Variants in SUV39H2 observed in about 807,000 individuals in gnomAD.
SUV39H2 encodes SUV39H2 histone lysine methyltransferase.
Under a neutral mutation model 47.5 loss-of-function variants are expected in SUV39H2, and 10 were observed. The observed-to-expected ratio is 0.21, with a 90% CI of 0.13 to 0.36. The LOEUF (loss-of-function observed/expected upper bound fraction) is 0.36, where lower values mean the gene tolerates loss of function less well. SUV39H2 is among the 10% of genes least tolerant of loss of function. The pLI, the probability that SUV39H2 is intolerant of heterozygous loss-of-function variation, is 1.00. For missense variants in SUV39H2, 266 were observed against 487.4 expected, an observed-to-expected ratio of 0.55 and a Z score of 4.28; for synonymous variants, 159 against 166.8, an observed-to-expected ratio of 0.95 and a Z score of 0.36.
At chr10:14,892,091 T>C (rs954369802) in intron 2 of SUV39H2, among the ~76,000 whole-genome samples, 1 of 152,096 alleles carries the variant, frequency 6.6e-6, no homozygotes, top group African/African-American at 2.4e-5. Context: ...TAAGTGATGG[T>C]CAGGGGAAGC....
chr10:14,889,830 A>G (rs750051900), intron 2 of SUV39H2, among the ~76,000 whole-genome samples: 1 of 152,218 alleles, frequency 6.6e-6, no homozygotes. Context: ...TGTTAATTGT[A>G]GTAGTATTGA....
Position 14,881,628 on chromosome 10 carries a change from G to T in SUV39H2, c.160G>T (p.Asp54Tyr). The T allele has an allele frequency of 1.3e-6, 2 of 1,591,364 alleles. No individual in the cohort carries two copies. The highest frequency in any genetic ancestry group is 2.3e-5 in the South Asian group (2 of 86,190). The part of the protein sequence containing the change: ...LNNYEVEYLC[D>Y]YKVVKDMEYY... ...CAATTATGAGGTGGAATACTTGTGT[G>T]ACTACAAGGTAGTAAAGGTAAGGCA... is the stretch of plus-strand genomic sequence containing the variant. Residue 54 changes from aspartate to tyrosine, a missense_variant, in exon 2 of 6, where the codon GAC (aspartate) becomes TAC (tyrosine). Transcript: ENST00000354919.
chr10:14,899,180 G>A (rs532221182), intron 3 of SUV39H2: 4 of 701,540 alleles, frequency 5.7e-6, no homozygotes, highest in South Asian at 4.4e-5. Context: ...CATTAGCTGG[G>A]CATGGCGGTA....
chr10:14,891,283 G>A (rs1833381198), intron 2 of SUV39H2, among the ~76,000 whole-genome samples: 1 of 152,218 alleles, frequency 6.6e-6, no homozygotes, highest in Non-Finnish European at 1.5e-5. Flanking sequence ...TGTGGCCAGT[G>A]TGTGTTGTGT....
Position 14,879,184 on chromosome 10 carries a change from C to T in SUV39H2, c.31+265C>T, listed in dbSNP as rs887828445. 5 of 1,126,994 alleles carry T rather than the reference C, an allele frequency of 4.4e-6. No homozygotes were observed. The African/African-American group carries it at 8.1e-5, about 18-fold the overall frequency. The allele number at this position is 1,126,994 out of a possible 1,614,324, so 69.8% of individuals were successfully genotyped here. On this transcript the variant is annotated intron_variant, in intron 1 of 5. Coordinates refer to ENST00000354919, the MANE Select transcript of SUV39H2 (RefSeq NM_001193424.2). ...AAGTGGAGCGTGGCCTCTCCGCCCGCTCGGCCCGGCCCCCTCCGCGTCTCC... is the reference window on the plus strand; with the variant it reads ...AAGTGGAGCGTGGCCTCTCCGCCCGTTCGGCCCGGCCCCCTCCGCGTCTCC...
chr10:14,892,999 A>ATTTTTTT (rs869161891), intron 2 of SUV39H2, among the ~76,000 whole-genome samples: 8 of 79,942 alleles, frequency 1.0e-4, no homozygotes, highest in African/African-American at 3.4e-4. Context: ...AATTTTTTGT[A>ATTTTTTT]TTTTTTTTTT....
At chr10:14,885,954 A>C (rs1290794688) in intron 2 of SUV39H2, among the ~76,000 whole-genome samples, 3 of 152,176 alleles carry the variant, frequency 2.0e-5, no homozygotes, top group Admixed American at 6.5e-5. Context: ...TTCCCTATTT[A>C]ACAGTCTCAT....
chr10:14,881,223 G>A (rs186366635), intron 1 of SUV39H2, among the ~76,000 whole-genome samples: 1 of 152,262 alleles, frequency 6.6e-6, no homozygotes, highest in Admixed American at 6.5e-5. Flanking sequence ...AAAGCTTACA[G>A]ACATGAAACA....
intron 2 of SUV39H2, among the ~76,000 whole-genome samples, chr10:14,886,263 C>T (rs1271903021): frequency 6.6e-6 from 1 of 152,162 alleles, no homozygotes; most frequent in Non-Finnish European, 1.5e-5. Flanking sequence ...CCCTGGACCG[C>T]AAAATCCTAC....
chr10:14,899,133 A>C lies in SUV39H2; in HGVS notation c.850-406A>C, dbSNP rs779054553. On this transcript the variant is annotated intron_variant, in intron 3 of 5. Coordinates refer to ENST00000354919, the MANE Select transcript of SUV39H2 (RefSeq NM_001193424.2). ...CCAGGAGTTCCAGACCAGTGTGGGCAACATAGTGAGACCCCACATCTCTAT... is the reference window on the plus strand; with the variant it reads ...CCAGGAGTTCCAGACCAGTGTGGGCCACATAGTGAGACCCCACATCTCTAT... 4 of 677,716 alleles carry C rather than the reference A, an allele frequency of 5.9e-6. No homozygotes were observed. The South Asian group carries it at 6.3e-5, about 11-fold the overall frequency. The allele number at this position is 677,716 out of a possible 1,614,324, so 42.0% of individuals were successfully genotyped here. A position where few individuals can be genotyped will look rare whatever the true frequency, so the allele number is the denominator to read the frequency against.
chr10:14,901,263 G>A lies in SUV39H2; in HGVS notation c.1126+1G>A. On this transcript the variant is annotated splice_donor_variant, in intron 5 of 5. Coordinates refer to ENST00000354919, the MANE Select transcript of SUV39H2 (RefSeq NM_001193424.2). LOFTEE classifies it high-confidence loss of function. Reference sequence around the variant, plus strand: ...CTGACTTTTGATTATCAAATGAAAGGTATGCTTTTCAAGTACAGTTTCATT... The same window carrying A: ...CTGACTTTTGATTATCAAATGAAAGATATGCTTTTCAAGTACAGTTTCATT... 6.2e-7 allele frequency: 1 copy of A among 1,613,704 alleles called. No individual in the cohort carries two copies. The highest frequency in any genetic ancestry group is 8.5e-7 in the Non-Finnish European group (1 of 1,179,764).
intron 4 of SUV39H2, among the ~76,000 whole-genome samples, chr10:14,900,755 G>A (rs1833950716): frequency 6.6e-6 from 1 of 151,976 alleles, no homozygotes; most frequent in Non-Finnish European, 1.5e-5. Context: ...AGTTGTTCTA[G>A]TTATTTTAAA....
Position 14,897,194 on chromosome 10 carries a change from A to C in SUV39H2, c.526A>C (p.Lys176Gln), listed in dbSNP as rs770948328. 8 of 1,613,720 alleles carry C rather than the reference A, an allele frequency of 5.0e-6. No homozygotes were observed. In the Admixed American group the frequency reaches 1.3e-4, roughly 27 times the overall value. Residue 176 changes from lysine (K) to glutamine (Q), a missense_variant, in exon 3 of 6, where the codon AAA becomes CAA. By Grantham distance (53) the Lys-to-Gln change is moderately conservative. Coordinates refer to ENST00000354919, the MANE Select transcript of SUV39H2 (RefSeq NM_001193424.2). ...PSDFYYINEY[K>Q]PAPGISLVNE... ...AGACTTCTATTACATTAACGAATAC[A>C]AACCAGCTCCTGGAATCAGCTTAGT...
intron 1 of SUV39H2, among the ~76,000 whole-genome samples, chr10:14,880,700 G>A (rs190526566): frequency 6.7e-4 from 102 of 152,258 alleles, no homozygotes; most frequent in African/African-American, 2.3e-3. Context: ...AAATCTTCTG[G>A]AACGCAATTA....
rs968973439 is a variant in SUV39H2 at position 14,899,237 on chromosome 10, T to C, written c.850-302T>C. On this transcript the variant is annotated intron_variant, in intron 3 of 5. Transcript: ENST00000354919. Reference sequence around the variant, plus strand: ...CAGGAGGCTGAGGCAGGAAGATCGCTTGATCCCAGGAGTTAAAGGATACAG... The same window carrying C: ...CAGGAGGCTGAGGCAGGAAGATCGCCTGATCCCAGGAGTTAAAGGATACAG... 19 of 702,044 alleles carry C rather than the reference T, an allele frequency of 2.7e-5. No homozygotes were observed. The African/African-American group carries it at 2.8e-4, about 10-fold the overall frequency. The allele number at this position is 702,044 out of a possible 1,614,324, so 43.5% of individuals were successfully genotyped here. A position where few individuals can be genotyped will look rare whatever the true frequency, so the allele number is the denominator to read the frequency against.
chr10:14,883,704 C>CAAAAAAAAAAAAAAAAAA (rs58522342), intron 2 of SUV39H2, among the ~76,000 whole-genome samples: 13 of 50,058 alleles, frequency 2.6e-4, no homozygotes, highest in Middle Eastern at 0.014. Context: ...GACTCAGTCT[C>CAAAAAAAAAAAAAAAAAA]AAAAAAAAAA....
chr10:14,888,398 G>C (rs1434461652), intron 2 of SUV39H2, among the ~76,000 whole-genome samples: 1 of 152,030 alleles, frequency 6.6e-6, no homozygotes, highest in Non-Finnish European at 1.5e-5. Flanking sequence ...CACTTTGGGA[G>C]GCCGAGGCGG....
intron 2 of SUV39H2, among the ~76,000 whole-genome samples, chr10:14,885,654 T>C (rs1370656797): frequency 6.6e-6 from 1 of 152,218 alleles, no homozygotes; most frequent in Non-Finnish European, 1.5e-5. Context: ...TTTGCTCTCT[T>C]ATGTCCTCAG....
chr10:14,879,061 C>G, intron 1 of SUV39H2, 142 bp downstream of exon 1: 2 of 1,310,300 alleles, frequency 1.5e-6, no homozygotes, highest in South Asian at 2.2e-5. Flanking sequence ...GGGACGCACG[C>G]TGCGGACGCC....
Sources: gnomAD v4.1 joint callset for allele counts (sites outside exome capture counted in the v4.1 genomes callset) on GRCh38, gnomAD v4.1.1 for gene constraint, MANE v1.5 for transcripts, NCBI Gene and HGNC (gene_info 2026-07-23, HGNC 2026-07-21) for gene names.